ROBO2: variants seen among roughly 807,000 people sequenced by gnomAD.
The protein encoded by ROBO2 is roundabout homolog 2.
A neutral mutation model predicts 160.8 loss-of-function variants in ROBO2; 53 were observed. The observed-to-expected ratio is 0.33, with a 90% CI of 0.26 to 0.41. The LOEUF (loss-of-function observed/expected upper bound fraction) is 0.41. ROBO2 is among the 10% of genes least tolerant of loss of function. The pLI, the probability that ROBO2 is intolerant of heterozygous loss-of-function variation, is 1.00. For synonymous variants in ROBO2, 664 were observed against 611.7 expected, an observed-to-expected ratio of 1.09 and a Z score of -1.26; for missense variants, 1,577 against 1,722.4, an observed-to-expected ratio of 0.92 and a Z score of 1.49.
At chr3:76,628,894 C>A (rs1191751028) in intron 2 of ROBO2, among the ~76,000 whole-genome samples, 5 of 152,168 alleles carry the variant, frequency 3.3e-5, no homozygotes, top group Non-Finnish European at 7.3e-5. Flanking sequence ...ATGTATCTAA[C>A]AAACATAATG....
intron 2 of ROBO2, among the ~76,000 whole-genome samples, chr3:76,157,665 CT>C (rs2072460666): frequency 2.0e-5 from 3 of 152,030 alleles, no homozygotes; most frequent in Admixed American, 6.6e-5. Flanking sequence ...TGATATCTGC[CT>C]TTTGTGGAAA....
chr3:76,038,104 T>C (rs1342942077), intron 2 of ROBO2, among the ~76,000 whole-genome samples: 1 of 151,942 alleles, frequency 6.6e-6, no homozygotes, highest in Non-Finnish European at 1.5e-5. Context: ...TTTCTGTTTG[T>C]GGAGCAAGAA....
chr3:76,949,248 C>T (rs1224411185), intron 2 of ROBO2, among the ~76,000 whole-genome samples: 1 of 151,846 alleles, frequency 6.6e-6, no homozygotes. Flanking sequence ...CCTTTTGTTT[C>T]TCTCATGTGT....
At chr3:77,537,699 A>G (rs1582796880) in intron 6 of ROBO2, among the ~76,000 whole-genome samples, 2 of 152,330 alleles carry the variant, frequency 1.3e-5, no homozygotes, top group South Asian at 4.1e-4. Flanking sequence ...GTAATGTATA[A>G]GGAAAAGAGG....
At chr3:77,281,155 T>C (rs1462268234) in intron 2 of ROBO2, among the ~76,000 whole-genome samples, 1 of 152,248 alleles carries the variant, frequency 6.6e-6, no homozygotes, top group Admixed American at 6.5e-5. Flanking sequence ...AAAGGTTGTA[T>C]AATCAATCCT....
chr3:75,970,721 T>C (rs2064969294), intron 2 of ROBO2, among the ~76,000 whole-genome samples: 1 of 151,476 alleles, frequency 6.6e-6, no homozygotes, highest in Non-Finnish European at 1.5e-5. Flanking sequence ...AAGCACACAT[T>C]CTCTTCAGCT....
chr3:77,239,574 C>G (rs533045201), intron 2 of ROBO2, among the ~76,000 whole-genome samples: 1 of 152,228 alleles, frequency 6.6e-6, no homozygotes, highest in African/African-American at 2.4e-5. Flanking sequence ...CCACCCACAT[C>G]TTGCTGACTG....
At chr3:76,159,560 G>A (rs2072540349) in intron 2 of ROBO2, among the ~76,000 whole-genome samples, 1 of 152,040 alleles carries the variant, frequency 6.6e-6, no homozygotes, top group Non-Finnish European at 1.5e-5. Flanking sequence ...GACTGAGCTG[G>A]GGATAGCTGT....
At chr3:76,801,980 A>G (rs1227822511) in intron 2 of ROBO2, among the ~76,000 whole-genome samples, 2 of 152,154 alleles carry the variant, frequency 1.3e-5, no homozygotes, top group Non-Finnish European at 2.9e-5. Flanking sequence ...TCAGAGGAGA[A>G]GTCAGAACAC....
chr3:76,336,219 A>G (rs1361924748), intron 2 of ROBO2, among the ~76,000 whole-genome samples: 1 of 118,482 alleles, frequency 8.4e-6, no homozygotes, highest in Non-Finnish European at 1.9e-5. Flanking sequence ...CACTGTATGT[A>G]CGTAGCAAGA....
At chr3:76,016,508 C>CT (rs1361595385) in intron 2 of ROBO2, among the ~76,000 whole-genome samples, 3 of 151,212 alleles carry the variant, frequency 2.0e-5, no homozygotes, top group Non-Finnish European at 4.4e-5. Flanking sequence ...AGCCTGTCTG[C>CT]TTTTTTTGGT....
intron 2 of ROBO2, among the ~76,000 whole-genome samples, chr3:76,396,931 T>A (rs1056090673): frequency 4.6e-5 from 7 of 152,258 alleles, no homozygotes; most frequent in African/African-American, 1.7e-4. Flanking sequence ...GCCATCCCCA[T>A]CAAGCTACCA....
At chr3:76,447,178 C>T (rs1344400767) in intron 2 of ROBO2, among the ~76,000 whole-genome samples, 1 of 152,134 alleles carries the variant, frequency 6.6e-6, no homozygotes, top group Non-Finnish European at 1.5e-5. Flanking sequence ...CTACAATGAA[C>T]TCAAACAAAT....
intron 5 of ROBO2, among the ~76,000 whole-genome samples, chr3:77,520,616 A>G (rs889391516): frequency 6.6e-6 from 1 of 151,200 alleles, no homozygotes; most frequent in South Asian, 2.1e-4. Flanking sequence ...TAGCTCTTGA[A>G]AAAACTCAGC....
At chr3:76,270,541 C>T (rs1168936325) in intron 2 of ROBO2, among the ~76,000 whole-genome samples, 1 of 152,004 alleles carries the variant, frequency 6.6e-6, no homozygotes, top group African/African-American at 2.4e-5. Context: ...CCCCATCCCC[C>T]ACTTTATTTT....
At chr3:76,788,106 A>G (rs1277510738) in intron 2 of ROBO2, among the ~76,000 whole-genome samples, 1 of 151,400 alleles carries the variant, frequency 6.6e-6, no homozygotes, top group Non-Finnish European at 1.5e-5. Flanking sequence ...TATTGTTAAT[A>G]GAGCAGAAGG....
At chr3:77,308,186 A>AT (rs1167414244) in intron 2 of ROBO2, among the ~76,000 whole-genome samples, 1 of 151,574 alleles carries the variant, frequency 6.6e-6, no homozygotes, top group Non-Finnish European at 1.5e-5. Context: ...TAATTTTAAG[A>AT]TTTTTGGAAA....
intron 2 of ROBO2, among the ~76,000 whole-genome samples, chr3:76,030,992 T>C (rs2066901699): frequency 6.6e-6 from 1 of 152,162 alleles, no homozygotes; most frequent in African/African-American, 2.4e-5. Context: ...ATTCTTCCTA[T>C]TCGTGAGCAT....
intron 2 of ROBO2, among the ~76,000 whole-genome samples, chr3:76,296,408 G>T (rs35109808): frequency 0.95 from 144,219 of 152,204 alleles, 68,731 homozygotes; most frequent in Non-Finnish European, 1. Context: ...TCTCTGGCTT[G>T]TGCTCAGATA....
Sources: gnomAD v4.1 joint callset for allele counts (sites outside exome capture counted in the v4.1 genomes callset) on GRCh38, gnomAD v4.1.1 for gene constraint, MANE v1.5 for transcripts, NCBI Gene and HGNC (gene_info 2026-07-23, HGNC 2026-07-21) for gene names.